The following PCDH10 variants were observed in gnomAD, a reference collection of about 807,000 sequenced individuals.
The protein encoded by PCDH10 is protocadherin 10, also known as protocadherin-10.
In PCDH10, 15 loss-of-function variants were observed where a neutral mutation model predicts 74.4. The observed-to-expected ratio is 0.20, with a 90% confidence interval of 0.13 to 0.31. The LOEUF (loss-of-function observed/expected upper bound fraction) is 0.31, where lower values mean the gene tolerates loss of function less well. Ranked by LOEUF, PCDH10 falls within the 10% of genes least tolerant of loss-of-function variation. The pLI, the probability that PCDH10 is intolerant of heterozygous loss-of-function variation, is 1.00. For missense variants in PCDH10, 1,260 were observed against 1,390.2 expected (o/e 0.91, Z 1.49); for synonymous variants, 619 against 589.8 (o/e 1.05, Z -0.72).
At chr4:133,173,669 A>T (rs1407059803) in intron 4 of PCDH10, among the ~76,000 whole-genome samples, 3 of 151,984 alleles carry the variant, frequency 2.0e-5, no homozygotes, top group Admixed American at 6.6e-5. Flanking sequence ...TTTCTCTGGG[A>T]ATGACTTTTT....
Position 133,152,554 on chromosome 4 carries a change from A to G in PCDH10, c.2414A>G (p.Glu805Gly), listed in dbSNP as rs1277592865. The change falls in exon 1 of 5, where the codon GAG (glutamate) becomes GGG (glycine). Residue 805 changes from glutamate to glycine, a missense_variant. Glu to Gly is a moderately conservative substitution (Grantham distance 98). Around this residue, in one of 11 missense-constraint regions of PCDH10, gnomAD observed 587 missense variants for 616.9 expected, o/e 0.95. Coordinates refer to ENST00000264360, the MANE Select transcript of PCDH10 (RefSeq NM_032961.3). ...VPSNPAQVPI[E>G]ESGGFGSHHH... ...AGTAACCCGGCCCAGGTGCCGATAG[A>G]GGAGTCCGGGGGCTTTGGCTCCCAC... The G allele has an allele frequency of 6.2e-6, 10 of 1,614,170 alleles. No homozygotes were observed. Among genetic ancestry groups the G allele is most frequent in the Non-Finnish European group, 8.5e-6 (10 of 1,180,032 alleles).
intron 2 of PCDH10, among the ~76,000 whole-genome samples, chr4:133,204,390 C>G (rs781638279): frequency 6.6e-6 from 1 of 152,164 alleles, no homozygotes; most frequent in Non-Finnish European, 1.5e-5. Flanking sequence ...GCAGAGAGCT[C>G]TAGCTTACCC....
At chr4:133,178,697 A>G (rs1201943406) in intron 4 of PCDH10, among the ~76,000 whole-genome samples, 1 of 151,802 alleles carries the variant, frequency 6.6e-6, no homozygotes, top group Non-Finnish European at 1.5e-5. Context: ...TTGAAATGCT[A>G]TAATTCAAAT....
intron 4 of PCDH10, among the ~76,000 whole-genome samples, chr4:133,165,555 CA>C (rs376961862): frequency 7.9e-5 from 12 of 151,738 alleles, no homozygotes; most frequent in African/African-American, 2.7e-4. Flanking sequence ...AAGTCCCTTG[CA>C]TAATTAAAAA....
At chr4:133,197,182 A>G (rs991039158), downstream of PCDH10, among the ~76,000 whole-genome samples, 2 of 152,170 alleles carry the variant, frequency 1.3e-5, no homozygotes, top group African/African-American at 4.8e-5. Flanking sequence ...TGAAAAATAC[A>G]TGTGTATGTT....
chr4:133,206,874 A>G (rs972220189), intron 2 of PCDH10, among the ~76,000 whole-genome samples: 3 of 152,128 alleles, frequency 2.0e-5, no homozygotes, highest in African/African-American at 2.4e-5. Flanking sequence ...TGAATGTGGG[A>G]TTCTCTTCAG....
intron 4 of PCDH10, among the ~76,000 whole-genome samples, chr4:133,166,925 A>C (rs941351671): frequency 6.6e-6 from 1 of 151,548 alleles, no homozygotes; most frequent in Non-Finnish European, 1.5e-5. Context: ...AAAAAGCTGC[A>C]TGATAATGAC....
intron 4 of PCDH10, among the ~76,000 whole-genome samples, chr4:133,184,333 C>T (rs541670572): frequency 4.2e-4 from 64 of 151,902 alleles, no homozygotes; most frequent in African/African-American, 1.5e-3. Flanking sequence ...AATTAAGAAC[C>T]GTAGTTTGGC....
chr4:133,172,846 C>G (rs72715795), intron 4 of PCDH10, among the ~76,000 whole-genome samples: 151 of 152,044 alleles, frequency 9.9e-4, no homozygotes, highest in Non-Finnish European at 1.8e-3. Context: ...CCATTGCCTC[C>G]TATCCTTAAA....
At chr4:133,160,265 A>T (rs1726940489) in intron 3 of PCDH10, among the ~76,000 whole-genome samples, 1 of 151,964 alleles carries the variant, frequency 6.6e-6, no homozygotes, top group South Asian at 2.1e-4. Context: ...CCTTCTAGTT[A>T]TATGAAGCTG....
rs765603032 is a variant in PCDH10 at position 133,151,969 on chromosome 4, A to G, written c.1829A>G (p.Asp610Gly). The G allele has an allele frequency of 1.9e-6, 3 of 1,612,626 alleles. No homozygotes were observed. Among genetic ancestry groups the G allele is most frequent in the Non-Finnish European group, 2.5e-6 (3 of 1,179,792 alleles). The change falls in exon 1 of 5, where the codon GAC becomes GGC. Residue 610 changes from aspartate to glycine, a missense_variant. Coordinates refer to ENST00000264360, the MANE Select transcript of PCDH10 (RefSeq NM_032961.3). Reference sequence around the variant, plus strand: ...CGCGTGGCCGCCGTGGACGCGGACGACGGCGAGAACGCCCGGCTCACTTAC... The same window carrying G: ...CGCGTGGCCGCCGTGGACGCGGACGGCGGCGAGAACGCCCGGCTCACTTAC... ...LTRVAAVDAD[D>G]GENARLTYSI...
chr4:133,207,354 A>C (rs1728030082), intron 2 of PCDH10, among the ~76,000 whole-genome samples: 1 of 152,312 alleles, frequency 6.6e-6, no homozygotes, highest in East Asian at 1.9e-4. Flanking sequence ...TCAATACTTG[A>C]GGTCAATTTA....
intron 4 of PCDH10, among the ~76,000 whole-genome samples, chr4:133,168,121 T>A (rs1237242471): frequency 6.6e-6 from 1 of 151,492 alleles, no homozygotes; most frequent in Non-Finnish European, 1.5e-5. Context: ...GATGGGAACT[T>A]CTCTGTAACA....
intron 4 of PCDH10, among the ~76,000 whole-genome samples, chr4:133,182,140 G>A (rs1727430395): frequency 6.6e-6 from 1 of 151,926 alleles, no homozygotes; most frequent in South Asian, 2.1e-4. Context: ...AGTGAATATT[G>A]TGATACAATA....
At position 133,152,092 on chromosome 4, in the gene PCDH10, A is replaced by AGCG. The variant is rs1486558276; in HGVS notation, c.1955_1957dup (p.Arg652dup). The AGCG allele has an allele frequency of 6.3e-7, 1 of 1,593,714 alleles. No homozygotes were observed. Among genetic ancestry groups the AGCG allele is most frequent in the East Asian group, 2.2e-5 (1 of 44,738 alleles). On this transcript the variant is annotated inframe_insertion, in exon 1 of 5. Coordinates refer to ENST00000264360, the MANE Select transcript of PCDH10 (RefSeq NM_032961.3). ...CGAGTCCCGGCCAAGCGCGACCCCC[A>AGCG]GCGGCCTTATGAGCTGGTGATCGAG...
At chr4:133,170,985 T>G (rs1727190258) in intron 4 of PCDH10, among the ~76,000 whole-genome samples, 1 of 152,068 alleles carries the variant, frequency 6.6e-6, no homozygotes, top group African/African-American at 2.4e-5. Flanking sequence ...TAGTCTATTT[T>G]TTTTTTAAGG....
chr4:133,185,350 A>G (rs1159506178), intron 4 of PCDH10, among the ~76,000 whole-genome samples: 1 of 151,990 alleles, frequency 6.6e-6, no homozygotes, highest in African/African-American at 2.4e-5. Flanking sequence ...CCCTCTTTTA[A>G]TAGTTAACAC....
chr4:133,203,726 T>TAAA (rs1727948590), intron 2 of PCDH10, among the ~76,000 whole-genome samples: 1 of 152,226 alleles, frequency 6.6e-6, no homozygotes, highest in East Asian at 1.9e-4. Flanking sequence ...GTTTAATAGT[T>TAAA]ACAGCTTTCA....
intron 2 of PCDH10, among the ~76,000 whole-genome samples, chr4:133,200,616 G>A (rs1036340959): frequency 3.3e-5 from 5 of 151,890 alleles, no homozygotes; most frequent in African/African-American, 4.8e-5. Context: ...TTTTTTAAGC[G>A]GGTCCCACAG....
Sources: allele counts gnomAD v4.1 joint callset (sites outside exome capture counted in the v4.1 genomes callset), GRCh38; gene constraint gnomAD v4.1.1; regional missense constraint gnomAD v4.1.1; transcripts MANE v1.5; gene names NCBI Gene and HGNC (gene_info 2026-07-23, HGNC 2026-07-21).